The following PAQR5 variants were observed in gnomAD, a reference collection of about 807,000 sequenced individuals.
PAQR5 encodes the protein membrane progestin receptor gamma.
PAQR5 carries 20 observed loss-of-function variants against 34.5 expected under a neutral mutation model. That is an observed-to-expected ratio of 0.58 (90% CI 0.41 to 0.84). The LOEUF (loss-of-function observed/expected upper bound fraction) is 0.84, where lower values mean the gene tolerates loss of function less well. Among genes scored for constraint, PAQR5 ranks in the 40% least tolerant of loss-of-function variants. PAQR5 has a pLI of 0.00. For synonymous variants in PAQR5, 131 were observed against 155.6 expected, an observed-to-expected ratio of 0.84 and a Z score of 1.18; for missense variants, 378 against 412.7, an observed-to-expected ratio of 0.92 and a Z score of 0.73.
At chr15:69,360,219 T>C in intron 3 of PAQR5, 88 bp downstream of exon 3, 1 of 997,724 alleles carries the variant, frequency 1.0e-6, no homozygotes, top group Non-Finnish European at 1.6e-6. Flanking sequence ...CTTCACCTAG[T>C]CTGTTCTGTA....
At chr15:69,323,639 C>T (rs1056783511) in intron 1 of PAQR5, among the ~76,000 whole-genome samples, 1 of 152,008 alleles carries the variant, frequency 6.6e-6, no homozygotes, top group African/African-American at 2.4e-5. Flanking sequence ...AATAGCGTTG[C>T]GTTAAATGAA....
chr15:69,402,815 G>C (rs1263654960), intron 8 of PAQR5, among the ~76,000 whole-genome samples: 1 of 152,232 alleles, frequency 6.6e-6, no homozygotes. Context: ...CCTGGGGTCT[G>C]AGGGTTGTCC....
intron 3 of PAQR5, among the ~76,000 whole-genome samples, chr15:69,374,023 G>T (rs77712881): frequency 1.3e-5 from 2 of 151,386 alleles, no homozygotes; most frequent in Non-Finnish European, 2.9e-5. Flanking sequence ...ATTTTTATCC[G>T]TCTTACATGT....
At chr15:69,384,325 C>T (rs1173284372) in intron 4 of PAQR5, among the ~76,000 whole-genome samples, 18 of 121,636 alleles carry the variant, frequency 1.5e-4, no homozygotes, top group Admixed American at 3.5e-4. Flanking sequence ...AGTGGGCCCT[C>T]CGTGTTCATC....
chr15:69,374,135 G>A (rs2055637913), intron 3 of PAQR5, among the ~76,000 whole-genome samples: 1 of 152,266 alleles, frequency 6.6e-6, no homozygotes, highest in Non-Finnish European at 1.5e-5. Flanking sequence ...AAACATCACA[G>A]CAATGTTGTA....
chr15:69,327,230 CA>C (rs1052294084), intron 1 of PAQR5, among the ~76,000 whole-genome samples: 2 of 152,098 alleles, frequency 1.3e-5, no homozygotes, highest in African/African-American at 4.8e-5. Context: ...CTCCTGGACT[CA>C]AGTGATCTTC....
intron 1 of PAQR5, among the ~76,000 whole-genome samples, chr15:69,315,031 G>A (rs1315721894): frequency 2.0e-5 from 3 of 152,140 alleles, no homozygotes; most frequent in African/African-American, 7.2e-5. Context: ...CAGTGCAGGA[G>A]TGGTCGTCTC....
Position 69,405,226 on chromosome 15 carries a change from A to G in PAQR5, c.*1404A>G, listed in dbSNP as rs2056736651. On this transcript the variant is annotated 3_prime_UTR_variant, in exon 9 of 9. Transcript: ENST00000395407. ...ATCAAACCCAGATCTGCACTTGGTAATGACTTAGGGGGGCTTCCTCACAAT... is the reference window on the plus strand; with the variant it reads ...ATCAAACCCAGATCTGCACTTGGTAGTGACTTAGGGGGGCTTCCTCACAAT... 2.7e-6 allele frequency: 1 copy of G among 374,116 alleles called. No individual in the cohort carries two copies. Among genetic ancestry groups the G allele is most frequent in the South Asian group, 1.5e-4 (1 of 6,780 alleles). The allele number at this position is 374,116 out of a possible 1,614,324, so 23.2% of individuals were successfully genotyped here.
At chr15:69,378,432 G>A (rs2055777699) in intron 3 of PAQR5, among the ~76,000 whole-genome samples, 1 of 66,362 alleles carries the variant, frequency 1.5e-5, no homozygotes, top group African/African-American at 6.9e-5. Context: ...TCAAGACCCT[G>A]TCTCAAAAAA....
At chr15:69,397,112 A>T in intron 6 of PAQR5, 1 of 429,110 alleles carries the variant, frequency 2.3e-6, no homozygotes, top group Non-Finnish European at 4.7e-6. Context: ...GATTCCCCCT[A>T]CCCGTTCCCT....
chr15:69,332,322 A>G (rs2054399923), intron 1 of PAQR5, among the ~76,000 whole-genome samples: 1 of 152,180 alleles, frequency 6.6e-6, no homozygotes, highest in Non-Finnish European at 1.5e-5. Context: ...AAACCTTGCT[A>G]CAGGTTCCTG....
At chr15:69,382,190 C>T (rs185467280) in intron 4 of PAQR5, among the ~76,000 whole-genome samples, 8 of 152,058 alleles carry the variant, frequency 5.3e-5, no homozygotes, top group Non-Finnish European at 8.8e-5. Context: ...ATTTGAGGAG[C>T]CTTCCTACAA....
At chr15:69,313,450 T>G (rs888756311) in intron 1 of PAQR5, among the ~76,000 whole-genome samples, 2 of 151,934 alleles carry the variant, frequency 1.3e-5, no homozygotes, top group African/African-American at 4.8e-5. Context: ...CAGTGAGCTG[T>G]GATTGCACCA....
At chr15:69,370,915 T>C (rs191348237) in intron 3 of PAQR5, among the ~76,000 whole-genome samples, 2 of 152,366 alleles carry the variant, frequency 1.3e-5, no homozygotes, top group East Asian at 3.9e-4. Context: ...AGTTTAATTA[T>C]TATCGCACAT....
At chr15:69,353,265 C>T (rs757393447) in intron 2 of PAQR5, among the ~76,000 whole-genome samples, 3 of 152,210 alleles carry the variant, frequency 2.0e-5, no homozygotes, top group Non-Finnish European at 2.9e-5. Flanking sequence ...CCCCTTCCAT[C>T]ATGGAAGAGG....
At position 69,307,098 on chromosome 15, in the gene PAQR5, A is replaced by AT. The variant is rs10711358; in HGVS notation, c.-277+8056dup. The stretch of plus-strand genomic sequence containing the variant: ...TAATATTCCATTACATATACATCAT[A>AT]TTTTTTTTTTTTTTGAGAGATAGTC... On this transcript the variant is annotated intron_variant, in intron 1 of 8. Coordinates refer to ENST00000395407, the MANE Select transcript of PAQR5 (RefSeq NM_017705.4). 3.6e-3 allele frequency among the ~76,000 whole-genome samples: 538 copies of AT among 147,956 alleles called. 5 individuals carry two copies. Among genetic ancestry groups the AT allele is most frequent in the African/African-American group, 0.013 (523 of 40,412 alleles).
intron 2 of PAQR5, among the ~76,000 whole-genome samples, chr15:69,349,060 A>G (rs1371150391): frequency 6.6e-6 from 1 of 152,104 alleles, no homozygotes; most frequent in Admixed American, 6.5e-5. Flanking sequence ...TTTGGGGTAC[A>G]CCTGGGAGGG....
At chr15:69,358,633 A>ATTTTTTTTTTTTTTTTTTTTTTTTTTTT (rs71149910) in intron 2 of PAQR5, among the ~76,000 whole-genome samples, 3 of 84,466 alleles carry the variant, frequency 3.6e-5, no homozygotes, top group Non-Finnish European at 4.2e-5. Flanking sequence ...GCTCTGTGGC[A>ATTTTTTTTTTTTTTTTTTTTTTTTTTTT]TTTTTTTTTT....
chr15:69,369,258 G>T lies in PAQR5; in HGVS notation c.51+9127G>T, dbSNP rs1006363841. ...CCTGTGTTAAAGTAGAAATCCGGCT[G>T]GGTGTGGTGGCTCACGCCTGTAATC... is the stretch of plus-strand genomic sequence containing the variant. On this transcript the variant is annotated intron_variant, in intron 3 of 8. Transcript: ENST00000395407. Among the ~76,000 whole-genome samples, 104 of 152,240 alleles carry T rather than the reference G, an allele frequency of 6.8e-4. 2 individuals are homozygous for T. The highest frequency in any genetic ancestry group is 2.5e-3 in the African/African-American group (102 of 41,556).
Sources: gnomAD v4.1 joint callset for allele counts (sites outside exome capture counted in the v4.1 genomes callset) on GRCh38, gnomAD v4.1.1 for gene constraint, MANE v1.5 for transcripts, NCBI Gene and HGNC (gene_info 2026-07-23, HGNC 2026-07-21) for gene names.